Variants in ANGPTL5 observed in about 807,000 individuals in gnomAD.
ANGPTL5 encodes the protein angiopoietin-related protein 5.
A neutral mutation model predicts 39.4 loss-of-function variants in ANGPTL5; 34 were observed. The ratio of observed to expected loss-of-function variants is 0.86; its 90% CI spans 0.66 to 1.15. The LOEUF is 1.15. Ranked by LOEUF, ANGPTL5 falls within the 50% of genes most tolerant of loss-of-function variation. The pLI is 0.00. For missense variants in ANGPTL5, 467 were observed against 457.5 expected (o/e 1.02, Z -0.19); for synonymous variants, 146 against 152.1 (o/e 0.96, Z 0.29).
chr11:101,896,156 ATATTTATT>A (rs55980962), intron 7 of ANGPTL5, among the ~76,000 whole-genome samples: 6,909 of 139,610 alleles, frequency 0.049, 220 homozygotes, highest in Admixed American at 0.086. Context: ...CTGTAATCCT[ATATTTATT>A]TATTTATTTA....
chr11:101,895,068 TA>T lies in ANGPTL5; in HGVS notation c.662-5del, dbSNP rs529667089. ...TTCAGTCCTAGCCAAAATTCTCCTG[TA>T]AAAAAAATGCTTTGTTTTAATATAT... On this transcript the variant is annotated splice_polypyrimidine_tract_variant and splice_region_variant and intron_variant, in intron 7 of 8. Transcript: ENST00000334289. 4.3e-5 allele frequency: 66 copies of T among 1,551,480 alleles called. No individual in the cohort carries two copies. The highest frequency in any genetic ancestry group is 3.2e-4 in the South Asian group (27 of 85,248).
At chr11:101,903,765 A>T (rs995230747) in intron 5 of ANGPTL5, among the ~76,000 whole-genome samples, 1 of 152,126 alleles carries the variant, frequency 6.6e-6, no homozygotes, top group Admixed American at 6.6e-5. Context: ...CTGCTATGTC[A>T]TTACCTTTCA....
chr11:101,902,744 T>C (rs767583948), intron 5 of ANGPTL5, 23 bp from the exon 6 acceptor site: 6 of 1,447,180 alleles, frequency 4.1e-6, no homozygotes, highest in African/African-American at 1.4e-5. Context: ...AATTATTTAA[T>C]TGGGATATTT....
rs768338977 is a variant in ANGPTL5, at chr11:101,902,828, A to C, written c.440-107T>G. Reference sequence around the variant, plus strand: ...CTATTATCATAATTTTCATTATTATATTATTTTAACTTCTTCAAAATGAAA... The same window carrying C: ...CTATTATCATAATTTTCATTATTATCTTATTTTAACTTCTTCAAAATGAAA... On this transcript the variant is annotated intron_variant, in intron 5 of 8. Transcript: ENST00000334289. 2.2e-5 allele frequency: 15 copies of C among 685,886 alleles called. No individual in the cohort carries two copies. In the Middle Eastern group the frequency reaches 1.2e-3, roughly 55 times the overall value. 42.5% of individuals were successfully genotyped at this position (685,886 alleles called of 1,614,324 possible). A position where few individuals can be genotyped will look rare whatever the true frequency, so the allele number is the denominator to read the frequency against.
intron 8 of ANGPTL5, among the ~76,000 whole-genome samples, chr11:101,893,418 G>GT: frequency 6.6e-6 from 1 of 152,214 alleles, no homozygotes; most frequent in Admixed American, 6.5e-5. Context: ...TAACCCATTG[G>GT]TTTTATCTGT....
In ANGPTL5 at chr11:101,904,871, T is replaced by C. The variant is rs765615860; in HGVS notation, c.382A>G (p.Thr128Ala). The C allele has an allele frequency of 5.0e-6, 8 of 1,613,508 alleles. No individual in the cohort carries two copies. In the African/African-American group the frequency reaches 1.1e-4, roughly 22 times the overall value. Reference protein sequence around the residue: ...ELMNRVLLLTTEVFRKQLDPF... With the variant: ...ELMNRVLLLTAEVFRKQLDPF... ...TCCAGCTGTTTTCTAAAAACTTCTG[T>C]AGTCAAAAGGAGAACTCTATTCATG... The change falls in exon 5 of 9, where the codon ACA becomes GCA. Residue 128 changes from threonine (T) to alanine (A), a missense_variant. Transcript: ENST00000334289.
At chr11:101,914,011 G>A (rs1377016992) in intron 1 of ANGPTL5, among the ~76,000 whole-genome samples, 1 of 152,194 alleles carries the variant, frequency 6.6e-6, no homozygotes, top group East Asian at 1.9e-4. Flanking sequence ...GATTTGTTGT[G>A]GCACTTTAAA....
chr11:101,915,274 T>C, intron 1 of ANGPTL5: 1 of 1,613,242 alleles, frequency 6.2e-7, no homozygotes, highest in Non-Finnish European at 8.5e-7. Context: ...CAGGCGGCGC[T>C]GAAGTGAAGG....
rs1363311287 is a variant in ANGPTL5 at position 101,907,203 on chromosome 11, T to G, written c.141A>C (p.Lys47Asn). 5 of 1,561,570 alleles carry G rather than the reference T, an allele frequency of 3.2e-6. No homozygotes were observed. In the East Asian group the frequency reaches 1.1e-4, roughly 35 times the overall value. ...VNIVEDGSNA[K>N]DESKSNDTVC... The stretch of plus-strand genomic sequence containing the variant: ...CAGTATCATTACTTTTACTTTCATC[T>G]TTTGCATTAGATCCATCTTCTACAA... Residue 47 changes from lysine to asparagine, a missense_variant, in exon 3 of 9, where the codon AAA becomes AAC. Transcript: ENST00000334289.
Position 101,910,336 on chromosome 11 carries a change from GGAGGTA to G in ANGPTL5, c.-92-2341_-92-2336del, listed in dbSNP as rs1940067929. ...GAGGCAGGAGGATTGCTTGAACCCG[GGAGGTA>G]GAGGTTGTGGTGAGCCGAGATCATG... On this transcript the variant is annotated intron_variant, in intron 1 of 8. Coordinates refer to ENST00000334289, the MANE Select transcript of ANGPTL5 (RefSeq NM_178127.5). Among the ~76,000 whole-genome samples the G allele has an allele frequency of 2.0e-5, 3 of 150,946 alleles. No homozygotes were observed. In the South Asian group the frequency reaches 6.3e-4, roughly 32 times the overall value.
At chr11:101,899,668 C>T (rs1939860461) in intron 7 of ANGPTL5, among the ~76,000 whole-genome samples, 1 of 152,210 alleles carries the variant, frequency 6.6e-6, no homozygotes, top group Admixed American at 6.5e-5. Flanking sequence ...AGCCAAATTG[C>T]TTCTAAAATC....
At chr11:101,911,624 C>A (rs1412083430) in intron 1 of ANGPTL5, among the ~76,000 whole-genome samples, 2 of 152,160 alleles carry the variant, frequency 1.3e-5, no homozygotes, top group Non-Finnish European at 2.9e-5. Context: ...ATGTAAGATG[C>A]CTGCTCCCAC....
At chr11:101,914,200 C>T (rs993720230) in intron 1 of ANGPTL5, among the ~76,000 whole-genome samples, 3 of 152,174 alleles carry the variant, frequency 2.0e-5, no homozygotes, top group African/African-American at 7.2e-5. Flanking sequence ...GTACTTTCTG[C>T]TTCCAATCTG....
chr11:101,913,335 T>C (rs1322688715), intron 1 of ANGPTL5, among the ~76,000 whole-genome samples: 1 of 152,270 alleles, frequency 6.6e-6, no homozygotes, highest in Non-Finnish European at 1.5e-5. Context: ...GTTTGTTCAA[T>C]ATACATGCAT....
Position 101,907,838 on chromosome 11 carries a change from T to A in ANGPTL5, c.72A>T (p.Gln24His), listed in dbSNP as rs371425912. The A allele has an allele frequency of 1.9e-6, 3 of 1,606,200 alleles. No individual in the cohort carries two copies. Among genetic ancestry groups the A allele is most frequent in the African/African-American group, 2.7e-5 (2 of 74,748 alleles). Residue 24 changes from glutamine (Q) to histidine (H), a missense_variant, in exon 2 of 9, where the codon CAA (glutamine) becomes CAT (histidine). Transcript: ENST00000334289. The part of the protein sequence containing the change: ...VCIFICGEAV[Q>H]GNCVHHSTDS... ...CCGTAGAATGATGTACACAGTTACC[T>A]TGTACAGCTTCTCCACAAATAAAAA...
chr11:101,891,309 A>C lies in ANGPTL5; in HGVS notation c.1137T>G (p.Ile379Met). 1 of 1,613,308 alleles carries C rather than the reference A, an allele frequency of 6.2e-7. No homozygotes were observed. The highest frequency in any genetic ancestry group is 8.5e-7 in the Non-Finnish European group (1 of 1,179,250). Reference sequence around the variant, plus strand: ...TAAAATATGGATTGTACATTCTTCTAATTTTCATTGAAACAGATTTAATCT... The same window carrying C: ...TAAAATATGGATTGTACATTCTTCTCATTTTCATTGAAACAGATTTAATCT... Reference protein sequence around the residue: ...PVKIKSVSMKIRRMYNPYFK With the variant: ...PVKIKSVSMKMRRMYNPYFK The change falls in exon 9 of 9, where the codon ATT becomes ATG. Residue 379 changes from isoleucine to methionine, a missense_variant. Transcript: ENST00000334289.
At chr11:101,906,351 T>G (rs1939997396) in intron 3 of ANGPTL5, among the ~76,000 whole-genome samples, 1 of 152,144 alleles carries the variant, frequency 6.6e-6, no homozygotes, top group African/African-American at 2.4e-5. Context: ...AGTCAAAGGT[T>G]TTGGTTATTT....
intron 5 of ANGPTL5, 65 bp from the exon 6 acceptor site, chr11:101,902,786 A>ATCAATTCTC: frequency 2.9e-6 from 3 of 1,045,650 alleles, no homozygotes; most frequent in Non-Finnish European, 4.5e-6. Context: ...TCATTTTACT[A>ATCAATTCTC]TAGAGAATTG....
In ANGPTL5 at chr11:101,903,756, T is replaced by G. The variant is rs146248154; in HGVS notation, c.440-1035A>C. 4.4e-3 allele frequency among the ~76,000 whole-genome samples: 664 copies of G among 152,280 alleles called. 5 individuals are homozygous for G. Among genetic ancestry groups the G allele is most frequent in the African/African-American group, 0.015 (639 of 41,570 alleles). ...AAGGACCGATCTGGGTTGGAGTGTC[T>G]GCTATGTCATTACCTTTCAAATTAA... is the stretch of plus-strand genomic sequence containing the variant. On this transcript the variant is annotated intron_variant, in intron 5 of 8. Transcript: ENST00000334289.
Sources: allele counts gnomAD v4.1 joint callset (sites outside exome capture counted in the v4.1 genomes callset), GRCh38; gene constraint gnomAD v4.1.1; transcripts MANE v1.5; gene names NCBI Gene and HGNC (gene_info 2026-07-23, HGNC 2026-07-21).